KLHL2: variants seen among roughly 807,000 people sequenced by gnomAD.
The protein encoded by KLHL2 is kelch-like protein 2.
Under a neutral mutation model 75.8 loss-of-function variants are expected in KLHL2, and 15 were observed. That is an observed-to-expected ratio of 0.20 (90% CI 0.13 to 0.30). KLHL2 has a LOEUF of 0.30. Ranked by LOEUF, KLHL2 falls within the 10% of genes least tolerant of loss-of-function variation. The pLI, the probability that KLHL2 is intolerant of heterozygous loss-of-function variation, is 1.00. For missense variants in KLHL2, 381 were observed against 741.0 expected, an observed-to-expected ratio of 0.51 and a Z score of 5.64; for synonymous variants, 214 against 251.9, an observed-to-expected ratio of 0.85 and a Z score of 1.42.
At chr4:165,299,805 T>C (rs1745212493) in intron 8 of KLHL2, 149 bp downstream of exon 8, 1 of 618,716 alleles carries the variant, frequency 1.6e-6, no homozygotes. Context: ...GTAGTGTATG[T>C]AATTCAACCT....
At chr4:165,215,789 G>A (rs1191003865) in intron 1 of KLHL2, among the ~76,000 whole-genome samples, 1 of 151,986 alleles carries the variant, frequency 6.6e-6, no homozygotes, top group African/African-American at 2.4e-5. Flanking sequence ...ATGATTCTGA[G>A]GTGGGAGGTA....
At chr4:165,318,858 G>T (rs1746769152) in intron 14 of KLHL2, among the ~76,000 whole-genome samples, 1 of 151,812 alleles carries the variant, frequency 6.6e-6, no homozygotes, top group Non-Finnish European at 1.5e-5. Flanking sequence ...TAGAAATATT[G>T]AAAAAATTAA....
chr4:165,290,427 G>A (rs1465919068), intron 5 of KLHL2, among the ~76,000 whole-genome samples: 1 of 152,024 alleles, frequency 6.6e-6, no homozygotes, highest in Non-Finnish European at 1.5e-5. Context: ...GAGCCACTGC[G>A]CCTGGCCTAC....
intron 4 of KLHL2, chr4:165,240,381 G>C (rs1208202336): frequency 1.3e-5 from 2 of 152,168 alleles, no homozygotes; most frequent in Non-Finnish European, 2.9e-5. Flanking sequence ...ATTGTTCCAT[G>C]TGAAATACTG....
At position 165,207,852 on chromosome 4, in the gene KLHL2, G is replaced by A; in HGVS notation, c.-25G>A. Reference sequence around the variant, plus strand: ...GCTGGCTGTGTTGGTCGGTGCCTGCGTTCTGAAGCCCGAGAGGAGCCACAA... The same window carrying A: ...GCTGGCTGTGTTGGTCGGTGCCTGCATTCTGAAGCCCGAGAGGAGCCACAA... On this transcript the variant is annotated 5_prime_UTR_variant, in exon 1 of 15. Transcript: ENST00000226725. This position sits in a 1 kb window ranked among gnomAD's most constrained non-coding sequence, Gnocchi z 4.2. 1 of 1,450,552 alleles carries A rather than the reference G, an allele frequency of 6.9e-7. No homozygotes were observed. Among genetic ancestry groups the A allele is most frequent in the Non-Finnish European group, 9.1e-7 (1 of 1,095,174 alleles). The allele number at this position is 1,450,552 out of a possible 1,614,324, so 89.9% of individuals were successfully genotyped here. A position where few individuals can be genotyped will look rare whatever the true frequency, so the allele number is the denominator to read the frequency against.
chr4:165,252,470 A>C lies in KLHL2; in HGVS notation c.382-10727A>C, dbSNP rs531709653. The C allele has an allele frequency of 2.1e-3, 314 of 152,194 alleles. 1 individual carries two copies. The highest frequency in any genetic ancestry group is 6.6e-3 in the African/African-American group (274 of 41,522). 9.4% of individuals were successfully genotyped at this position (152,194 alleles called of 1,614,324 possible). A position where few individuals can be genotyped will look rare whatever the true frequency, so the allele number is the denominator to read the frequency against. The stretch of plus-strand genomic sequence containing the variant: ...AAAATATTATTACCTCTTGGACCTT[A>C]ATGTCTTAATCTCATTGTTAGGTTA... On this transcript the variant is annotated intron_variant, in intron 4 of 14. Transcript: ENST00000226725.
chr4:165,296,355 A>G (rs1168484593), intron 6 of KLHL2, among the ~76,000 whole-genome samples: 1 of 152,176 alleles, frequency 6.6e-6, no homozygotes, highest in Non-Finnish European at 1.5e-5. Flanking sequence ...TGGTGGTTTC[A>G]AGTAGCCAGA....
intron 5 of KLHL2, among the ~76,000 whole-genome samples, chr4:165,280,804 AACT>A (rs1180879051): frequency 6.6e-6 from 1 of 152,222 alleles, no homozygotes; most frequent in East Asian, 1.9e-4. Context: ...TACATGAGTT[AACT>A]GTTTTCAGGT....
At chr4:165,217,980 A>G (rs1159612213) in intron 1 of KLHL2, among the ~76,000 whole-genome samples, 2 of 152,100 alleles carry the variant, frequency 1.3e-5, no homozygotes, top group East Asian at 1.9e-4. Flanking sequence ...AAAGACTTGG[A>G]GTCATTCTGA....
At position 165,255,267 on chromosome 4, in the gene KLHL2, A is replaced by G. The variant is rs190757519; in HGVS notation, c.382-7930A>G. On this transcript the variant is annotated intron_variant, in intron 4 of 14. Transcript: ENST00000226725. ...TAACATTGGAAATGCCACCAATTGCAGTTGTATTCTGCTTAAGAGTCAACC... is the reference window on the plus strand; with the variant it reads ...TAACATTGGAAATGCCACCAATTGCGGTTGTATTCTGCTTAAGAGTCAACC... Among the ~76,000 whole-genome samples, 518 of 152,266 alleles carry G rather than the reference A, an allele frequency of 3.4e-3. 3 individuals carry two copies. Among genetic ancestry groups the G allele is most frequent in the Non-Finnish European group, 2.7e-3 (183 of 68,026 alleles).
chr4:165,305,607 G>A lies in KLHL2; in HGVS notation c.922-1G>A. On this transcript the variant is annotated splice_acceptor_variant, in intron 8 of 14. Coordinates refer to ENST00000226725, the MANE Select transcript of KLHL2 (RefSeq NM_007246.4). LOFTEE classifies it high-confidence loss of function. ...AAGTGCTTACATTTCTGCCCTTGTAGTTGATGGTGGTGGTTGGGGGCCAAG... is the reference window on the plus strand; with the variant it reads ...AAGTGCTTACATTTCTGCCCTTGTAATTGATGGTGGTGGTTGGGGGCCAAG... 1 of 1,612,024 alleles carries A rather than the reference G, an allele frequency of 6.2e-7. No individual in the cohort carries two copies. The highest frequency in any genetic ancestry group is 2.2e-5 in the East Asian group (1 of 44,868).
Position 165,310,768 on chromosome 4 carries a change from T to C in KLHL2, c.1237+18T>C. On this transcript the variant is annotated intron_variant, in intron 10 of 14. Transcript: ENST00000226725. ...GAGTACAGGTAATTTCCTTTTCATT[T>C]ATTCTACATTGCTGCTAAAATTAAC... 1.3e-6 allele frequency: 2 copies of C among 1,571,508 alleles called. No homozygotes were observed. Among genetic ancestry groups the C allele is most frequent in the Non-Finnish European group, 1.8e-6 (2 of 1,142,310 alleles).
At position 165,234,763 on chromosome 4, in the gene KLHL2, C is replaced by A. The variant is rs569908764; in HGVS notation, c.260-4015C>A. ...CTGAGTAGCTGGGACTATAGGCATGCGAGATGGAAATGTTTTTAGCCATAT... is the reference window on the plus strand; with the variant it reads ...CTGAGTAGCTGGGACTATAGGCATGAGAGATGGAAATGTTTTTAGCCATAT... On this transcript the variant is annotated intron_variant, in intron 3 of 14. Transcript: ENST00000226725. Among the ~76,000 whole-genome samples the A allele has an allele frequency of 3.1e-3, 464 of 150,952 alleles. 5 individuals are homozygous for A. The highest frequency in any genetic ancestry group is 5.2e-3 in the Non-Finnish European group (353 of 67,710).
rs1374360071 is a variant in KLHL2, at chr4:165,226,217, C to T, written c.153-2590C>T. Among the ~76,000 whole-genome samples, 3 of 152,290 alleles carry T rather than the reference C, an allele frequency of 2.0e-5. No individual in the cohort carries two copies. The East Asian group carries it at 5.8e-4, about 29-fold the overall frequency. On this transcript the variant is annotated intron_variant, in intron 2 of 14. Coordinates refer to ENST00000226725, the MANE Select transcript of KLHL2 (RefSeq NM_007246.4). ...CTGGATTGCTTTATTCTAGAGAGAC[C>T]ATGCATGCTCTGCTGACCCTGCTTA... is the stretch of plus-strand genomic sequence containing the variant.
intron 5 of KLHL2, among the ~76,000 whole-genome samples, chr4:165,291,788 A>G (rs1294718762): frequency 2.6e-5 from 4 of 151,812 alleles, no homozygotes; most frequent in Non-Finnish European, 5.9e-5. Context: ...ATGGGGTAGT[A>G]TTTGCATACA....
At chr4:165,249,920 C>T (rs1022238441) in intron 4 of KLHL2, among the ~76,000 whole-genome samples, 1 of 152,018 alleles carries the variant, frequency 6.6e-6, no homozygotes, top group African/African-American at 2.4e-5. Flanking sequence ...GTCAGGAGAT[C>T]GAGACCATCC....
intron 5 of KLHL2, among the ~76,000 whole-genome samples, chr4:165,293,336 A>G (rs931072816): frequency 3.3e-5 from 5 of 152,198 alleles, no homozygotes; most frequent in Non-Finnish European, 7.3e-5. Flanking sequence ...AAGAGTGGCC[A>G]TATTTGTGAA....
chr4:165,221,106 TAATTA>T (rs1365371466), intron 2 of KLHL2, among the ~76,000 whole-genome samples: 1 of 152,256 alleles, frequency 6.6e-6, no homozygotes, highest in Non-Finnish European at 1.5e-5. Flanking sequence ...GTTTCTTCTT[TAATTA>T]AATTAGGGAT....
intron 5 of KLHL2, among the ~76,000 whole-genome samples, chr4:165,293,499 C>CTT (rs559134623): frequency 2.8e-4 from 40 of 142,856 alleles, no homozygotes; most frequent in Admixed American, 1.1e-3. Flanking sequence ...TTCTGTCTCT[C>CTT]TTTTTTTTTT....
Sources: allele counts gnomAD v4.1 joint callset (sites outside exome capture counted in the v4.1 genomes callset), GRCh38; gene constraint gnomAD v4.1.1; non-coding constraint Gnocchi (gnomAD v3.1); transcripts MANE v1.5; gene names NCBI Gene and HGNC (gene_info 2026-07-23, HGNC 2026-07-21).